Variants in RBM27 observed in about 807,000 individuals in gnomAD.
The protein encoded by RBM27 is RNA-binding protein 27.
In RBM27, 22 loss-of-function variants were observed where a neutral mutation model predicts 135.3. That is an observed-to-expected ratio of 0.16 (90% CI 0.12 to 0.23). The LOEUF is 0.23. RBM27 is among the 10% of genes least tolerant of loss of function. RBM27 has a pLI of 1.00. For missense variants in RBM27, 1,009 were observed against 1,281.0 expected, an observed-to-expected ratio of 0.79 and a Z score of 3.24; for synonymous variants, 481 against 442.4, an observed-to-expected ratio of 1.09 and a Z score of -1.10.
chr5:146,236,954 T>TC (rs1223966906), intron 7 of RBM27, among the ~76,000 whole-genome samples: 3 of 102,186 alleles, frequency 2.9e-5, no homozygotes, highest in African/African-American at 3.4e-5. Context: ...TTTTTTTTTT[T>TC]CGAGACAGAG....
intron 14 of RBM27, among the ~76,000 whole-genome samples, chr5:146,264,705 A>G (rs566835562): frequency 2.7e-4 from 41 of 151,728 alleles, no homozygotes; most frequent in Non-Finnish European, 5.3e-4. Flanking sequence ...CTATCCCAAA[A>G]ATACTATGTA....
chr5:146,258,513 A>G lies in RBM27; in HGVS notation c.1659A>G (p.Arg553=), dbSNP rs1167136421. ...TTTCGATTAATAGCAACATAACCAGAGTAGTTCTTGAACCAGATAGTCGAA... is the reference window on the plus strand; with the variant it reads ...TTTCGATTAATAGCAACATAACCAGGGTAGTTCTTGAACCAGATAGTCGAA... ...VPVSINSNIT[R]VVLEPDSRKR... Residue 553 remains arginine, a synonymous_variant, in exon 11 of 21, where the codon AGA becomes AGG. Transcript: ENST00000265271. The G allele has an allele frequency of 8.1e-6, 13 of 1,604,726 alleles. No homozygotes were observed. In the South Asian group the frequency reaches 1.1e-4, roughly 14 times the overall value.
intron 2 of RBM27, among the ~76,000 whole-genome samples, chr5:146,221,356 A>G (rs1045381607): frequency 4.6e-5 from 7 of 152,314 alleles, no homozygotes; most frequent in Admixed American, 3.9e-4. Flanking sequence ...CATATGGTCT[A>G]TATCTGTACT....
chr5:146,288,006 A>G lies in RBM27; in HGVS notation c.*1976A>G. ...GATAGAGGGAACAAAGGATTTATAT[A>G]TTTTTTGTACAAAGTTTTTTCTTAA... is the stretch of plus-strand genomic sequence containing the variant. On this transcript the variant is annotated 3_prime_UTR_variant, in exon 21 of 21. Coordinates refer to ENST00000265271, the MANE Select transcript of RBM27 (RefSeq NM_018989.2). The G allele has an allele frequency of 6.6e-6, 1 of 151,552 alleles. No individual in the cohort carries two copies. The highest frequency in any genetic ancestry group is 1.9e-4 in the East Asian group (1 of 5,170). 9.4% of individuals were successfully genotyped at this position (151,552 alleles called of 1,614,324 possible). A position where few individuals can be genotyped will look rare whatever the true frequency, so the allele number is the denominator to read the frequency against.
chr5:146,233,306 A>AAC (rs1757016581), intron 6 of RBM27, 144 bp from the exon 7 acceptor site: 1 of 1,305,804 alleles, frequency 7.7e-7, no homozygotes, highest in African/African-American at 1.5e-5. Context: ...TGTGATGCTT[A>AAC]ACAGAGTAAC....
At chr5:146,239,979 A>T (rs1038918778) in intron 8 of RBM27, among the ~76,000 whole-genome samples, 3 of 151,686 alleles carry the variant, frequency 2.0e-5, no homozygotes, top group Admixed American at 1.3e-4. Flanking sequence ...GAGTCTCACT[A>T]TGTTGCTCAG....
intron 2 of RBM27, among the ~76,000 whole-genome samples, chr5:146,221,958 CA>C (rs1216027903): frequency 6.6e-6 from 1 of 151,866 alleles, no homozygotes; most frequent in Non-Finnish European, 1.5e-5. Context: ...TAATTTTTCC[CA>C]AACTCTTTGG....
chr5:146,269,617 T>A, intron 17 of RBM27, 33 bp downstream of exon 17: 1 of 1,424,310 alleles, frequency 7.0e-7, no homozygotes, highest in African/African-American at 1.5e-5. Context: ...TAACATAGGG[T>A]TATTGAACAT....
In RBM27 at chr5:146,218,595, T is replaced by G. The variant is rs79907173; in HGVS notation, c.60-390T>G. Among the ~76,000 whole-genome samples the G allele has an allele frequency of 3.5e-3, 537 of 152,254 alleles. 2 individuals carry two copies. The highest frequency in any genetic ancestry group is 0.013 in the African/African-American group (522 of 41,542). ...AAGTTTTTCCATCACTTCCCTTCCT[T>G]TTGCTCATTAATCACCTGGAACAGA... On this transcript the variant is annotated intron_variant, in intron 1 of 20. Transcript: ENST00000265271.
Position 146,263,353 on chromosome 5 carries a change from A to G in RBM27, c.2191-138A>G. ...TATTCACCAGTTCCCCTTAAAAAAT[A>G]AAACCTTACGGATAATTGAAGCACC... On this transcript the variant is annotated intron_variant, in intron 13 of 20. Transcript: ENST00000265271. The G allele has an allele frequency of 8.9e-6, 7 of 787,812 alleles. No individual in the cohort carries two copies. In the South Asian group the frequency reaches 1.4e-4, roughly 16 times the overall value. 48.8% of individuals were successfully genotyped at this position (787,812 alleles called of 1,614,324 possible). A position where few individuals can be genotyped will look rare whatever the true frequency, so the allele number is the denominator to read the frequency against.
chr5:146,282,254 C>T (rs1250714912), intron 19 of RBM27, among the ~76,000 whole-genome samples: 4 of 152,184 alleles, frequency 2.6e-5, no homozygotes, highest in African/African-American at 9.7e-5. Flanking sequence ...GATCCGCCCA[C>T]CTCGGCCTCC....
At position 146,203,659 on chromosome 5, in the gene RBM27, G is replaced by A; in HGVS notation, c.-107G>A. On this transcript the variant is annotated 5_prime_UTR_variant, in exon 1 of 21. The change creates a new upstream start codon in the 5' untranslated region. Transcript: ENST00000265271. ...AGGTTGAAGTCTCCTAAGATGCCCG[G>A]TGGGCTGGGGCACCGGGAGCTGTGA... is the stretch of plus-strand genomic sequence containing the variant. 9.5e-7 allele frequency: 1 copy of A among 1,052,824 alleles called. No homozygotes were observed. The highest frequency in any genetic ancestry group is 1.4e-6 in the Non-Finnish European group (1 of 702,498). 65.2% of individuals were successfully genotyped at this position (1,052,824 alleles called of 1,614,324 possible). A position where few individuals can be genotyped will look rare whatever the true frequency, so the allele number is the denominator to read the frequency against.
chr5:146,270,928 C>G, intron 17 of RBM27, 26 bp from the exon 18 acceptor site: 1 of 1,460,842 alleles, frequency 6.8e-7, no homozygotes, highest in Non-Finnish European at 9.5e-7. Context: ...CTAAAAAATA[C>G]CTTTTTATTT....
At chr5:146,236,331 A>G (rs1032824022) in intron 7 of RBM27, among the ~76,000 whole-genome samples, 2 of 152,200 alleles carry the variant, frequency 1.3e-5, no homozygotes, top group African/African-American at 4.8e-5. Context: ...TATGTTGCAG[A>G]CATCGTACAC....
At chr5:146,251,994 G>T in intron 9 of RBM27, 119 bp downstream of exon 9, 1 of 1,159,372 alleles carries the variant, frequency 8.6e-7, no homozygotes, top group Non-Finnish European at 1.2e-6. Flanking sequence ...AAGCTCATAG[G>T]TAGTTTTATT....
intron 8 of RBM27, among the ~76,000 whole-genome samples, chr5:146,251,012 T>G (rs1291878122): frequency 1.3e-5 from 2 of 151,884 alleles, no homozygotes; most frequent in Non-Finnish European, 2.9e-5. Flanking sequence ...CCTGACCTCA[T>G]GATCCACCCA....
chr5:146,262,615 A>G (rs1309344762), intron 13 of RBM27, among the ~76,000 whole-genome samples: 1 of 152,244 alleles, frequency 6.6e-6, no homozygotes, highest in Non-Finnish European at 1.5e-5. Flanking sequence ...ACATGGCATC[A>G]ACTCCATTTA....
chr5:146,287,241 A>G lies in RBM27; in HGVS notation c.*1211A>G, dbSNP rs1296509820. 1 of 152,486 alleles carries G rather than the reference A, an allele frequency of 6.6e-6. No individual in the cohort carries two copies. The highest frequency in any genetic ancestry group is 2.1e-4 in the South Asian group (1 of 4,818). 9.4% of individuals were successfully genotyped at this position (152,486 alleles called of 1,614,324 possible). On this transcript the variant is annotated 3_prime_UTR_variant, in exon 21 of 21. Transcript: ENST00000265271. ...TTTCATAATTTTGTAGCTTGTTGCT[A>G]TCCATGAACATACGCATCCCTCAGT... is the stretch of plus-strand genomic sequence containing the variant.
chr5:146,251,724 C>T lies in RBM27; in HGVS notation c.1293C>T (p.Tyr431=). 1 of 1,611,004 alleles carries T rather than the reference C, an allele frequency of 6.2e-7. No homozygotes were observed. Among genetic ancestry groups the T allele is most frequent in the Non-Finnish European group, 8.5e-7 (1 of 1,177,136 alleles). The part of the protein sequence containing the change: ...LYTVSERQPM[Y]SREHGAAASE... ...TTTCCTCTATAGGACAGCCCATGTA[C>T]TCTCGTGAACATGGTGCTGCTGCAT... Residue 431 remains tyrosine (Y), a synonymous_variant, in exon 9 of 21, where the codon TAC becomes TAT. Transcript: ENST00000265271.
Sources: allele counts gnomAD v4.1 joint callset (sites outside exome capture counted in the v4.1 genomes callset), GRCh38; gene constraint gnomAD v4.1.1; transcripts MANE v1.5; gene names NCBI Gene and HGNC (gene_info 2026-07-23, HGNC 2026-07-21).